Variants in RASSF8 observed in about 807,000 individuals in gnomAD.
The protein encoded by RASSF8 is Ras association domain family member 8.
A neutral mutation model predicts 48.5 loss-of-function variants in RASSF8; 22 were observed. The ratio of observed to expected loss-of-function variants is 0.45; its 90% CI spans 0.32 to 0.65. The LOEUF is 0.65. Ranked by LOEUF, RASSF8 falls within the 30% of genes least tolerant of loss-of-function variation. RASSF8 has a pLI of 0.03. For missense variants in RASSF8, 418 were observed against 489.2 expected (o/e 0.85, Z 1.37); for synonymous variants, 127 against 171.5 (o/e 0.74, Z 2.03).
intron 2 of RASSF8, among the ~76,000 whole-genome samples, chr12:26,004,587 G>A (rs1271396859): frequency 6.6e-6 from 1 of 152,116 alleles, no homozygotes; most frequent in East Asian, 1.9e-4. Context: ...ATTATATACT[G>A]TATTTGTACA....
At chr12:26,018,569 A>G (rs571782116) in intron 2 of RASSF8, among the ~76,000 whole-genome samples, 5 of 152,324 alleles carry the variant, frequency 3.3e-5, no homozygotes, top group South Asian at 2.1e-4. Flanking sequence ...AGGAAACAAC[A>G]CTTACAACTT....
At chr12:26,041,802 A>G (rs1943271806) in intron 2 of RASSF8, among the ~76,000 whole-genome samples, 1 of 152,218 alleles carries the variant, frequency 6.6e-6, no homozygotes, top group East Asian at 1.9e-4. Flanking sequence ...AGTATAAAGT[A>G]TACTTAAATG....
chr12:25,979,533 G>A (rs1941688468), intron 1 of RASSF8, among the ~76,000 whole-genome samples: 3 of 152,158 alleles, frequency 2.0e-5, no homozygotes, highest in African/African-American at 2.4e-5. Context: ...TGAGTGTGAT[G>A]TGCTAGGTCC....
At chr12:26,056,421 T>G (rs7972729) in intron 3 of RASSF8, among the ~76,000 whole-genome samples, 2 of 152,214 alleles carry the variant, frequency 1.3e-5, no homozygotes, top group African/African-American at 4.8e-5. Context: ...TTAACAAACA[T>G]GTACTAAGAG....
chr12:25,993,378 T>C (rs1390862557), intron 1 of RASSF8, among the ~76,000 whole-genome samples: 5 of 152,360 alleles, frequency 3.3e-5, no homozygotes, highest in South Asian at 2.1e-4. Context: ...CATTCTCAGC[T>C]ATCTACTTCC....
rs555238124 is a variant in RASSF8, at chr12:26,012,144, A to G, written c.-109+17014A>G. Among the ~76,000 whole-genome samples the G allele has an allele frequency of 1.2e-4, 19 of 152,266 alleles. No homozygotes were observed. In the South Asian group the frequency reaches 3.7e-3, roughly 30 times the overall value. On this transcript the variant is annotated intron_variant, in intron 2 of 5. Coordinates refer to ENST00000689635, the MANE Select transcript of RASSF8 (RefSeq NM_001394098.1). ...GAATTGAAGTCTCGGCTTTTCCTCT[A>G]ATGAAGTGTGTGATCTTGGGCAAGT...
Position 26,067,581 on chromosome 12 carries a change from G to T in RASSF8, c.1006G>T (p.Glu336Ter). The change falls in exon 5 of 6, where the codon GAA (glutamate) becomes TAA (stop). Residue 336 changes from glutamate to a stop codon, truncating the protein, a stop_gained. Coordinates refer to ENST00000689635, the MANE Select transcript of RASSF8 (RefSeq NM_001394098.1). LOFTEE classifies it high-confidence loss of function. Reference sequence around the variant, plus strand: ...AATTTCCATCTAGGACAAAGAACAGGAACTGGAGCAGTTGACTAAGGAGTT... The same window carrying T: ...AATTTCCATCTAGGACAAAGAACAGTAACTGGAGCAGTTGACTAAGGAGTT... Reference protein sequence around the residue: ...ATKRLQDKEQELEQLTKELRQ... With the variant: ...ATKRLQDKEQ 1 of 1,613,426 alleles carries T rather than the reference G, an allele frequency of 6.2e-7. No homozygotes were observed. The highest frequency in any genetic ancestry group is 8.5e-7 in the Non-Finnish European group (1 of 1,179,574).
chr12:26,075,843 A>C (rs1205493672), downstream of RASSF8, among the ~76,000 whole-genome samples: 3 of 152,124 alleles, frequency 2.0e-5, no homozygotes, highest in Non-Finnish European at 2.9e-5. Flanking sequence ...TGCGGCATGT[A>C]CACCAGGAAC....
upstream of RASSF8, chr12:25,958,639 GCCCGGCCCGGCCCGGCCCGGCC>G (rs933798803): frequency 7.0e-5 from 10 of 143,118 alleles, no homozygotes; most frequent in South Asian, 2.0e-4. Flanking sequence ...TGGCCGCCCG[GCCCGGCCCGGCCCGGCCCGGCC>G]CCCAGCCCGG....
chr12:26,051,128 T>C (rs2137215318), intron 2 of RASSF8, among the ~76,000 whole-genome samples: 1 of 152,338 alleles, frequency 6.6e-6, no homozygotes, highest in Middle Eastern at 3.4e-3. Context: ...CTGGAAAAGT[T>C]ATTTAAACTC....
intron 1 of RASSF8, among the ~76,000 whole-genome samples, chr12:25,977,964 G>A (rs17354107): frequency 0.079 from 12,092 of 152,110 alleles, 574 homozygotes; most frequent in Middle Eastern, 0.14. Context: ...GGTAAAATGG[G>A]GCATAGGGCT....
chr12:25,985,054 A>G (rs912234247), intron 1 of RASSF8, among the ~76,000 whole-genome samples: 1 of 152,156 alleles, frequency 6.6e-6, no homozygotes, highest in Non-Finnish European at 1.5e-5. Flanking sequence ...TCAGATGCAG[A>G]TTCACACGCA....
chr12:26,005,314 A>G (rs1007887711), intron 2 of RASSF8, among the ~76,000 whole-genome samples: 3 of 152,058 alleles, frequency 2.0e-5, no homozygotes, highest in Non-Finnish European at 4.4e-5. Context: ...ACCATTTATT[A>G]TTGGTTTGCA....
intron 2 of RASSF8, among the ~76,000 whole-genome samples, chr12:26,008,310 A>G (rs1049320986): frequency 2.6e-5 from 4 of 152,158 alleles, no homozygotes; most frequent in African/African-American, 9.7e-5. Flanking sequence ...ATATAGATAG[A>G]TAATATTAGA....
chr12:25,972,807 A>G (rs1941513129), intron 1 of RASSF8, among the ~76,000 whole-genome samples: 1 of 152,260 alleles, frequency 6.6e-6, no homozygotes, highest in African/African-American at 2.4e-5. Flanking sequence ...ATTTTCATAC[A>G]CTGAACAAAT....
chr12:26,064,485 C>T lies in RASSF8; in HGVS notation c.104-13C>T. On this transcript the variant is annotated splice_polypyrimidine_tract_variant and intron_variant, in intron 3 of 5. Coordinates refer to ENST00000689635, the MANE Select transcript of RASSF8 (RefSeq NM_001394098.1). Reference sequence around the variant, plus strand: ...TCCCATTTTGACAAGTTATTCTTACCTTTTTTACATAGGTCGAACTGGAAG... The same window carrying T: ...TCCCATTTTGACAAGTTATTCTTACTTTTTTTACATAGGTCGAACTGGAAG... 4.0e-6 allele frequency: 6 copies of T among 1,501,542 alleles called. No homozygotes were observed. The highest frequency in any genetic ancestry group is 2.3e-5 in the East Asian group (1 of 43,252). The allele number at this position is 1,501,542 out of a possible 1,614,324, so 93.0% of individuals were successfully genotyped here.
intron 2 of RASSF8, among the ~76,000 whole-genome samples, chr12:26,002,811 G>C (rs1942293640): frequency 6.6e-6 from 1 of 152,178 alleles, no homozygotes; most frequent in Non-Finnish European, 1.5e-5. Flanking sequence ...TGTTGAATCG[G>C]AGTGGTGAAA....
intron 1 of RASSF8, among the ~76,000 whole-genome samples, chr12:25,980,598 A>G (rs114934279): frequency 1.4e-3 from 207 of 152,216 alleles, no homozygotes; most frequent in African/African-American, 4.8e-3. Context: ...TGGAAGCTGG[A>G]TTTGTGCTTT....
chr12:26,058,531 C>T (rs899206392), intron 3 of RASSF8, among the ~76,000 whole-genome samples: 2 of 35,424 alleles, frequency 5.6e-5, no homozygotes, highest in Admixed American at 3.6e-4. Context: ...CATGCGCACG[C>T]GCGCGCGCAC....
Sources: gnomAD v4.1 joint callset for allele counts (sites outside exome capture counted in the v4.1 genomes callset) on GRCh38, gnomAD v4.1.1 for gene constraint, MANE v1.5 for transcripts, NCBI Gene and HGNC (gene_info 2026-07-23, HGNC 2026-07-21) for gene names.